Variants in ZFHX3 observed in about 807,000 individuals in gnomAD.
The protein encoded by ZFHX3 is zinc finger homeobox protein 3.
ZFHX3 carries 42 observed loss-of-function variants against 279.1 expected under a neutral mutation model. The observed-to-expected ratio is 0.15, with a 90% CI of 0.12 to 0.19. The LOEUF is 0.19. Among genes scored for constraint, ZFHX3 ranks in the 10% least tolerant of loss-of-function variants. The probability of loss-of-function intolerance (pLI) is 1.00; values close to 1 mark genes in which losing one functional copy is unlikely to be tolerated. For synonymous variants in ZFHX3, 2,293 were observed against 1,957.8 expected, an observed-to-expected ratio of 1.17 and a Z score of -4.52; for missense variants, 4,981 against 4,754.0, an observed-to-expected ratio of 1.05 and a Z score of -1.40.
intron 2 of ZFHX3, among the ~76,000 whole-genome samples, chr16:73,509,744 G>A (rs2019395152): frequency 7.3e-6 from 1 of 137,456 alleles, no homozygotes; most frequent in South Asian, 2.3e-4. Flanking sequence ...TGCCCAGGCT[G>A]GAGTGCAGTG....
chr16:73,263,011 T>C (rs2013867949), intron 4 of ZFHX3, among the ~76,000 whole-genome samples: 1 of 152,074 alleles, frequency 6.6e-6, no homozygotes, highest in Non-Finnish European at 1.5e-5. Flanking sequence ...TGGTTCAGAT[T>C]AGAAGAGCTA....
At position 73,473,487 on chromosome 16, in the gene ZFHX3, C is replaced by A. The variant is rs116924431; in HGVS notation, c.-1546-17229G>T. On this transcript the variant is annotated intron_variant, in intron 2 of 17. Coordinates refer to the ZFHX3 transcript ENST00000641206. Reference sequence around the variant, plus strand: ...GAAAACCAACAGCAGTTGGCAAAATCTGCCCAACGCTTGAGAGTCCTGGCC... The same window carrying A: ...GAAAACCAACAGCAGTTGGCAAAATATGCCCAACGCTTGAGAGTCCTGGCC... Among the ~76,000 whole-genome samples the A allele has an allele frequency of 1.9e-3, 294 of 151,998 alleles. 6 individuals carry two copies. Among genetic ancestry groups the A allele is most frequent in the East Asian group, 3.5e-3 (18 of 5,158 alleles).
intron 1 of ZFHX3, among the ~76,000 whole-genome samples, chr16:72,969,695 A>T (rs1962012321): frequency 6.6e-6 from 1 of 152,234 alleles, no homozygotes; most frequent in Non-Finnish European, 1.5e-5. Flanking sequence ...AACCTCCTTC[A>T]AGGGTCAAAG....
rs369058852 is a variant in ZFHX3 at position 73,529,004 on chromosome 16, T to C, written c.-1546-72746A>G. ...ACAATTAATAAGCTAGGGGTTTCCT[T>C]GAGGACAACAAAGAATAAAATATGA... On this transcript the variant is annotated intron_variant, in intron 2 of 17. Transcript: ENST00000641206. Among the ~76,000 whole-genome samples, 6 of 152,282 alleles carry C rather than the reference T, an allele frequency of 3.9e-5. No homozygotes were observed. In the South Asian group the frequency reaches 6.2e-4, roughly 16 times the overall value.
At chr16:73,538,165 A>G (rs544095345) in intron 2 of ZFHX3, among the ~76,000 whole-genome samples, 34 of 152,318 alleles carry the variant, frequency 2.2e-4, no homozygotes, top group African/African-American at 7.7e-4. Flanking sequence ...ACATGTACAT[A>G]TCACGTCAAT....
chr16:73,160,059 G>A (rs1394266010), intron 5 of ZFHX3, among the ~76,000 whole-genome samples: 12 of 152,294 alleles, frequency 7.9e-5, no homozygotes, highest in Admixed American at 3.3e-4. Flanking sequence ...CTCCACGCCC[G>A]GCCTAAGCTA....
In ZFHX3 at chr16:73,890,247, A is replaced by C. The variant is rs964315217; in HGVS notation, c.-1608+1404T>G. ...AGAGTGTAAAAAAAAAACCAAAAAA[A>C]AAAAAAACAACAAAAAAAAACCTCT... On this transcript the variant is annotated intron_variant, in intron 1 of 17. Coordinates refer to the ZFHX3 transcript ENST00000641206. 3.3e-5 allele frequency among the ~76,000 whole-genome samples: 5 copies of C among 151,274 alleles called. 1 individual carries two copies. The highest frequency in any genetic ancestry group is 6.4e-3 in the Middle Eastern group (2 of 314).
At chr16:72,833,175 G>C (rs547137123) in intron 4 of ZFHX3, among the ~76,000 whole-genome samples, 1 of 152,222 alleles carries the variant, frequency 6.6e-6, no homozygotes, top group African/African-American at 2.4e-5. Context: ...CTGGAAACAC[G>C]TGGGAACCAG....
chr16:73,247,134 T>C (rs536922136), intron 5 of ZFHX3, among the ~76,000 whole-genome samples: 4 of 151,998 alleles, frequency 2.6e-5, no homozygotes, highest in Non-Finnish European at 2.9e-5. Context: ...GTATGTGGAG[T>C]GTGTGTGTAC....
At chr16:73,507,151 T>G (rs2019341170) in intron 2 of ZFHX3, among the ~76,000 whole-genome samples, 1 of 152,200 alleles carries the variant, frequency 6.6e-6, no homozygotes, top group African/African-American at 2.4e-5. Context: ...CTTTTCTGAT[T>G]CCTTTAGATA....
chr16:73,481,328 CA>C (rs71374570), intron 2 of ZFHX3, among the ~76,000 whole-genome samples: 121 of 138,834 alleles, frequency 8.7e-4, no homozygotes, highest in Admixed American at 1.0e-3. Context: ...GACTCCATCT[CA>C]AAAAAAAAAA....
At chr16:73,616,884 T>C (rs1053193632) in intron 2 of ZFHX3, among the ~76,000 whole-genome samples, 21 of 152,224 alleles carry the variant, frequency 1.4e-4, no homozygotes, top group African/African-American at 3.9e-4. Context: ...TCAAGTGCTA[T>C]TGTAGCAAGC....
At chr16:72,962,592 T>G (rs180889411) in intron 1 of ZFHX3, among the ~76,000 whole-genome samples, 1 of 152,226 alleles carries the variant, frequency 6.6e-6, no homozygotes, top group African/African-American at 2.4e-5. Flanking sequence ...ACAGGCCCGT[T>G]TGCAGCCTTG....
intron 7 of ZFHX3, among the ~76,000 whole-genome samples, chr16:73,119,511 A>G (rs1041030054): frequency 3.3e-5 from 5 of 152,136 alleles, no homozygotes; most frequent in African/African-American, 1.2e-4. Flanking sequence ...CTGATGGGGT[A>G]GAGAGGAAGG....
intron 4 of ZFHX3, among the ~76,000 whole-genome samples, chr16:73,267,661 G>A (rs2014015407): frequency 6.6e-6 from 1 of 152,152 alleles, no homozygotes; most frequent in African/African-American, 2.4e-5. Flanking sequence ...GCCTGCCAAA[G>A]CCCTCCATGG....
chr16:73,475,384 T>C (rs2018747935), intron 2 of ZFHX3, among the ~76,000 whole-genome samples: 1 of 152,216 alleles, frequency 6.6e-6, no homozygotes, highest in Non-Finnish European at 1.5e-5. Context: ...AATCTCTTAT[T>C]TGAATGCTAA....
chr16:73,759,964 T>C (rs1293387158), intron 1 of ZFHX3, among the ~76,000 whole-genome samples: 1 of 146,628 alleles, frequency 6.8e-6, no homozygotes, highest in East Asian at 2.0e-4. Flanking sequence ...CTAAAGGAGA[T>C]AGAGACACTA....
At chr16:73,655,195 T>G (rs116610552) in intron 2 of ZFHX3, among the ~76,000 whole-genome samples, 1 of 152,276 alleles carries the variant, frequency 6.6e-6, no homozygotes, top group African/African-American at 2.4e-5. Flanking sequence ...ATACTGAGAT[T>G]TCCTCATTTC....
chr16:73,043,575 A>G (rs764424817), intron 1 of ZFHX3, among the ~76,000 whole-genome samples: 6 of 152,210 alleles, frequency 3.9e-5, no homozygotes, highest in African/African-American at 7.2e-5. Flanking sequence ...CCTTGGGCAA[A>G]TAACTCTCTA....
Sources: gnomAD v4.1 joint callset for allele counts (sites outside exome capture counted in the v4.1 genomes callset) on GRCh38, gnomAD v4.1.1 for gene constraint, MANE v1.5 for transcripts, NCBI Gene and HGNC (gene_info 2026-07-23, HGNC 2026-07-21) for gene names.